Variants in P2RY14 observed in about 807,000 individuals in gnomAD.
P2RY14 encodes purinergic receptor P2Y14.
A neutral mutation model predicts 0.9 loss-of-function variants in P2RY14; 2 were observed. That is an observed-to-expected ratio of 2.16 (90% CI 0.88 to 6.79). The LOEUF is 6.79. Among genes scored for constraint, P2RY14 ranks in the 30% most tolerant of loss-of-function variants. The pLI, the probability that P2RY14 is intolerant of heterozygous loss-of-function variation, is 0.05. For synonymous variants in P2RY14, 158 were observed against 147.2 expected (o/e 1.07, Z -0.53); for missense variants, 378 against 400.1 (o/e 0.94, Z 0.47).
chr3:151,219,903 C>A lies in P2RY14; in HGVS notation c.-132-261G>T, dbSNP rs141296934. ...ATTGGTTTATATTACCCCCCCCCCC[C>A]CCTTGGATATGGATGATCGAATCAA... On this transcript the variant is annotated intron_variant, in intron 1 of 2. Coordinates refer to ENST00000309170, the MANE Select transcript of P2RY14 (RefSeq NM_014879.4). Among the ~76,000 whole-genome samples the A allele has an allele frequency of 5.6e-3, 772 of 136,842 alleles. 47 individuals are homozygous for A. The East Asian group carries it at 0.13, about 23-fold the overall frequency. The allele number at this position is 136,842 out of a possible 152,430, so 89.8% of individuals were successfully genotyped here. A position where few individuals can be genotyped will look rare whatever the true frequency, so the allele number is the denominator to read the frequency against.
chr3:151,226,019 A>G (rs1246738050), intron 1 of P2RY14, among the ~76,000 whole-genome samples: 1 of 152,190 alleles, frequency 6.6e-6, no homozygotes, highest in African/African-American at 2.4e-5. Flanking sequence ...AAGCCGTCAG[A>G]ACATGCTGCC....
At chr3:151,227,621 A>G (rs1730797694) in intron 1 of P2RY14, among the ~76,000 whole-genome samples, 1 of 152,160 alleles carries the variant, frequency 6.6e-6, no homozygotes, top group African/African-American at 2.4e-5. Flanking sequence ...GTGGAGGGTG[A>G]GGTGTGGCAT....
At chr3:151,277,577 G>A (rs1020073888) in intron 1 of P2RY14, among the ~76,000 whole-genome samples, 3 of 152,080 alleles carry the variant, frequency 2.0e-5, no homozygotes, top group Non-Finnish European at 4.4e-5. Flanking sequence ...GGATTGCATG[G>A]GCTTGGTTGA....
At chr3:151,263,298 C>T (rs945739970) in intron 1 of P2RY14, among the ~76,000 whole-genome samples, 2 of 152,162 alleles carry the variant, frequency 1.3e-5, no homozygotes, top group Non-Finnish European at 2.9e-5. Flanking sequence ...AGTGGACCTC[C>T]CCAGAGTGTC....
intron 1 of P2RY14, among the ~76,000 whole-genome samples, chr3:151,253,981 T>C (rs1737317237): frequency 6.8e-6 from 1 of 147,236 alleles, no homozygotes; most frequent in African/African-American, 2.5e-5. Context: ...TACCTTCTTT[T>C]TGTTTTGATT....
At chr3:151,217,589 G>A (rs1309639043) in intron 2 of P2RY14, among the ~76,000 whole-genome samples, 1 of 152,190 alleles carries the variant, frequency 6.6e-6, no homozygotes, top group African/African-American at 2.4e-5. Context: ...TTGCAGATGA[G>A]CCTCCAGTTT....
intron 1 of P2RY14, among the ~76,000 whole-genome samples, chr3:151,263,785 G>A (rs955203091): frequency 2.6e-5 from 4 of 152,084 alleles, no homozygotes; most frequent in African/African-American, 9.7e-5. Context: ...TATCAGCTCT[G>A]TGACTCTTGG....
intron 1 of P2RY14, among the ~76,000 whole-genome samples, chr3:151,240,533 G>T (rs938011552): frequency 3.5e-4 from 53 of 152,348 alleles, no homozygotes; most frequent in African/African-American, 1.3e-3. Flanking sequence ...ACAGAAGAGG[G>T]TCACAGAGGT....
intron 1 of P2RY14, among the ~76,000 whole-genome samples, chr3:151,276,792 A>G (rs954722179): frequency 1.3e-5 from 2 of 152,158 alleles, no homozygotes; most frequent in African/African-American, 4.8e-5. Flanking sequence ...GGGCACCGTA[A>G]TACTTCAGGA....
Position 151,213,288 on chromosome 3 carries a change from G to T in P2RY14, c.*12C>A. The T allele has an allele frequency of 6.4e-7, 1 of 1,568,642 alleles. No homozygotes were observed. Among genetic ancestry groups the T allele is most frequent in the South Asian group, 1.2e-5 (1 of 82,382 alleles). ...ATGCACACGTGGTCTTTCTTTGGAAGAGGGTAGGAACTCACAAAGTATCTG... is the reference window on the plus strand; with the variant it reads ...ATGCACACGTGGTCTTTCTTTGGAATAGGGTAGGAACTCACAAAGTATCTG... On this transcript the variant is annotated 3_prime_UTR_variant, in exon 3 of 3. Coordinates refer to ENST00000309170, the MANE Select transcript of P2RY14 (RefSeq NM_014879.4).
At chr3:151,274,530 A>G (rs760958906) in intron 1 of P2RY14, among the ~76,000 whole-genome samples, 1 of 152,146 alleles carries the variant, frequency 6.6e-6, no homozygotes, top group African/African-American at 2.4e-5. Context: ...ACTAAAGGCC[A>G]CCTCCTAGGA....
intron 1 of P2RY14, among the ~76,000 whole-genome samples, chr3:151,234,507 A>G (rs896726505): frequency 6.6e-6 from 1 of 152,188 alleles, no homozygotes; most frequent in Non-Finnish European, 1.5e-5. Context: ...CTGTGTTGGG[A>G]GAGAGCTTTG....
chr3:151,258,994 G>A (rs1738362935), intron 1 of P2RY14, among the ~76,000 whole-genome samples: 1 of 152,148 alleles, frequency 6.6e-6, no homozygotes, highest in African/African-American at 2.4e-5. Context: ...CTGATAAGTG[G>A]TGCTGCACAC....
At chr3:151,248,850 A>G (rs932117905) in intron 1 of P2RY14, 2 of 152,098 alleles carry the variant, frequency 1.3e-5, no homozygotes, top group East Asian at 1.9e-4. Context: ...CATTAGATGG[A>G]ATTTTCTTAC....
chr3:151,216,239 A>C (rs1559889424), intron 2 of P2RY14, among the ~76,000 whole-genome samples: 1 of 152,332 alleles, frequency 6.6e-6, no homozygotes, highest in East Asian at 1.9e-4. Flanking sequence ...ACAAGGCATG[A>C]ATCCTTGCTC....
At chr3:151,253,735 G>A (rs953527520) in intron 1 of P2RY14, among the ~76,000 whole-genome samples, 3 of 152,084 alleles carry the variant, frequency 2.0e-5, no homozygotes, top group African/African-American at 7.2e-5. Context: ...GGAATGGGGT[G>A]GGGCAGGTGA....
At chr3:151,275,697 C>T (rs1741735091) in intron 1 of P2RY14, among the ~76,000 whole-genome samples, 1 of 151,934 alleles carries the variant, frequency 6.6e-6, no homozygotes, top group African/African-American at 2.4e-5. Context: ...AAGAAAATTC[C>T]CTGTAAAGAA....
At chr3:151,215,609 C>T (rs1164363256) in intron 2 of P2RY14, among the ~76,000 whole-genome samples, 4 of 152,196 alleles carry the variant, frequency 2.6e-5, no homozygotes, top group East Asian at 1.9e-4. Context: ...TCACTGATGT[C>T]GGAAGTGTTG....
intron 1 of P2RY14, among the ~76,000 whole-genome samples, chr3:151,268,183 A>G (rs1284326973): frequency 6.6e-6 from 1 of 152,262 alleles, no homozygotes; most frequent in African/African-American, 2.4e-5. Flanking sequence ...CCTAAATCCT[A>G]TAAAATAATG....
Sources: gnomAD v4.1 joint callset for allele counts (sites outside exome capture counted in the v4.1 genomes callset) on GRCh38, gnomAD v4.1.1 for gene constraint, MANE v1.5 for transcripts, NCBI Gene and HGNC (gene_info 2026-07-23, HGNC 2026-07-21) for gene names.